Variants in MALRD1 observed in about 807,000 individuals in gnomAD.
MALRD1 encodes the protein MAM and LDL receptor class A domain containing 1, also known as MAM and LDL-receptor class A domain-containing protein 1.
In MALRD1, 247 loss-of-function variants were observed where a neutral mutation model predicts 242.1. The observed-to-expected ratio is 1.02, with a 90% confidence interval of 0.92 to 1.13. MALRD1 has a LOEUF of 1.13. Ranked by LOEUF, MALRD1 falls within the 50% of genes most tolerant of loss-of-function variation. MALRD1 has a pLI of 0.00. For missense variants in MALRD1, 2,989 were observed against 2,533.1 expected (o/e 1.18, Z -3.86); for synonymous variants, 995 against 866.6 (o/e 1.15, Z -2.60).
chr10:19,199,176 A>AG (rs1564460855), intron 14 of MALRD1, among the ~76,000 whole-genome samples: 1 of 152,086 alleles, frequency 6.6e-6, no homozygotes, highest in African/African-American at 2.4e-5. Flanking sequence ...TAGAGGAAAA[A>AG]AAAATCTTTA....
In MALRD1 at chr10:19,530,044, A is replaced by G. The variant is rs117235443; in HGVS notation, c.5321-1150A>G. Among the ~76,000 whole-genome samples, 407 of 152,018 alleles carry G rather than the reference A, an allele frequency of 2.7e-3. 7 individuals are homozygous for G. In the East Asian group the frequency reaches 0.058, roughly 22 times the overall value. ...TTATTTTGTAGATATTAACAAACCG[A>G]TTCTAAAGATTGCATGGAAAAGCAA... On this transcript the variant is annotated intron_variant, in intron 31 of 39. Transcript: ENST00000454679.
chr10:19,645,583 A>G (rs1840618076), intron 36 of MALRD1, among the ~76,000 whole-genome samples: 2 of 152,224 alleles, frequency 1.3e-5, no homozygotes, highest in African/African-American at 4.8e-5. Context: ...TTGTAGGGAC[A>G]TGGGTGAAGC....
chr10:19,624,903 C>T (rs962603938), intron 36 of MALRD1, among the ~76,000 whole-genome samples: 2 of 141,146 alleles, frequency 1.4e-5, no homozygotes, highest in Admixed American at 7.0e-5. Flanking sequence ...AAAAAAAGAT[C>T]GGGAACATTT....
At chr10:19,610,229 G>A (rs1286554542) in intron 35 of MALRD1, among the ~76,000 whole-genome samples, 2 of 151,826 alleles carry the variant, frequency 1.3e-5, no homozygotes, top group Middle Eastern at 3.2e-3. Flanking sequence ...TGGTACGAAC[G>A]TTGAAGAGCC....
chr10:19,538,727 G>T (rs1452426409), intron 32 of MALRD1, among the ~76,000 whole-genome samples: 3 of 151,766 alleles, frequency 2.0e-5, no homozygotes, highest in South Asian at 4.2e-4. Context: ...AAAATGAATA[G>T]GTAACTCACA....
At chr10:19,173,552 C>T (rs1048958346) in intron 13 of MALRD1, among the ~76,000 whole-genome samples, 1 of 152,162 alleles carries the variant, frequency 6.6e-6, no homozygotes, top group African/African-American at 2.4e-5. Flanking sequence ...TGTACCAACT[C>T]ATGGAATTTT....
intron 6 of MALRD1, among the ~76,000 whole-genome samples, chr10:19,124,296 G>A (rs1837174279): frequency 6.6e-6 from 1 of 152,080 alleles, no homozygotes; most frequent in African/African-American, 2.4e-5. Context: ...TATGGCAATG[G>A]GTCACATTTG....
chr10:19,216,367 C>T (rs1185042185), intron 18 of MALRD1, among the ~76,000 whole-genome samples: 6 of 151,836 alleles, frequency 4.0e-5, no homozygotes, highest in East Asian at 2.0e-4. Context: ...CTGCCTGACT[C>T]GGCCTCCCAA....
At chr10:19,443,010 C>T (rs527424386) in intron 28 of MALRD1, among the ~76,000 whole-genome samples, 1 of 152,132 alleles carries the variant, frequency 6.6e-6, no homozygotes, top group Non-Finnish European at 1.5e-5. Flanking sequence ...TGATATTGAC[C>T]TATTCAGGGA....
Position 19,278,638 on chromosome 10 carries a change from T to C in MALRD1, c.3080-1409T>C, listed in dbSNP as rs181914296. On this transcript the variant is annotated intron_variant, in intron 19 of 39. Transcript: ENST00000454679. ...CCTGGGGTTATATCTTTACCATAAA[T>C]TTATCCCAAATACCTGTAATGAAAG... Among the ~76,000 whole-genome samples, 66 of 152,230 alleles carry C rather than the reference T, an allele frequency of 4.3e-4. 1 individual carries two copies. In the East Asian group the frequency reaches 0.01, roughly 23 times the overall value.
chr10:19,459,123 A>C (rs1209619194), intron 29 of MALRD1, among the ~76,000 whole-genome samples: 1 of 152,124 alleles, frequency 6.6e-6, no homozygotes, highest in African/African-American at 2.4e-5. Flanking sequence ...ATGGTTGCTT[A>C]ATTAATAAAC....
At chr10:19,678,186 T>A (rs1842214705) in intron 36 of MALRD1, among the ~76,000 whole-genome samples, 1 of 152,144 alleles carries the variant, frequency 6.6e-6, no homozygotes. Flanking sequence ...TTTAAGGTAG[T>A]TTTTTCTAAT....
chr10:19,246,566 C>T (rs1251486574), intron 18 of MALRD1, among the ~76,000 whole-genome samples: 1 of 152,098 alleles, frequency 6.6e-6, no homozygotes, highest in Admixed American at 6.6e-5. Flanking sequence ...CAAACTCATC[C>T]TCTTAAATAG....
intron 31 of MALRD1, among the ~76,000 whole-genome samples, chr10:19,523,922 G>A (rs1209898076): frequency 6.6e-6 from 1 of 152,034 alleles, no homozygotes; most frequent in Non-Finnish European, 1.5e-5. Flanking sequence ...TATTTAAGAG[G>A]CAATAATTAG....
intron 4 of MALRD1, among the ~76,000 whole-genome samples, chr10:19,101,168 A>T (rs985258886): frequency 6.6e-6 from 1 of 150,966 alleles, no homozygotes; most frequent in East Asian, 1.9e-4. Context: ...AGGTACAGAG[A>T]TGTTAAATAA....
intron 11 of MALRD1, among the ~76,000 whole-genome samples, chr10:19,147,148 AC>A (rs1209240377): frequency 6.6e-6 from 1 of 152,186 alleles, no homozygotes; most frequent in Non-Finnish European, 1.5e-5. Context: ...GGGAGCCACC[AC>A]ACCTGGCAAA....
chr10:19,601,872 T>G (rs1276571183), intron 34 of MALRD1, among the ~76,000 whole-genome samples: 1 of 152,076 alleles, frequency 6.6e-6, no homozygotes, highest in Non-Finnish European at 1.5e-5. Context: ...GTTATATTGT[T>G]TAAAACCTTG....
At chr10:19,463,109 C>A (rs1177062934) in intron 29 of MALRD1, among the ~76,000 whole-genome samples, 3 of 151,956 alleles carry the variant, frequency 2.0e-5, no homozygotes, top group Non-Finnish European at 4.4e-5. Flanking sequence ...GTATAGAGAA[C>A]CAATAGCCTA....
At chr10:19,464,539 A>G (rs1836125355) in intron 29 of MALRD1, among the ~76,000 whole-genome samples, 1 of 151,800 alleles carries the variant, frequency 6.6e-6, no homozygotes, top group Admixed American at 6.6e-5. Context: ...GGGTTTATTT[A>G]TTGGTTCTCT....
Sources: allele counts gnomAD v4.1 joint callset (sites outside exome capture counted in the v4.1 genomes callset), GRCh38; gene constraint gnomAD v4.1.1; transcripts MANE v1.5; gene names NCBI Gene and HGNC (gene_info 2026-07-23, HGNC 2026-07-21).